The following KLHL29 variants were observed in gnomAD, a reference collection of about 807,000 sequenced individuals.
The protein encoded by KLHL29 is kelch like family member 29.
A neutral mutation model predicts 80.4 loss-of-function variants in KLHL29; 21 were observed. That is an observed-to-expected ratio of 0.26 (90% CI 0.19 to 0.38). The LOEUF (loss-of-function observed/expected upper bound fraction) is 0.38. Among genes scored for constraint, KLHL29 ranks in the 10% least tolerant of loss-of-function variants. KLHL29 has a pLI of 1.00. For synonymous variants in KLHL29, 511 were observed against 526.8 expected, an observed-to-expected ratio of 0.97 and a Z score of 0.41; for missense variants, 867 against 1,223.9, an observed-to-expected ratio of 0.71 and a Z score of 4.35.
intron 1 of KLHL29, among the ~76,000 whole-genome samples, chr2:23,447,137 C>A (rs1209386914): frequency 6.6e-6 from 1 of 152,206 alleles, no homozygotes; most frequent in Non-Finnish European, 1.5e-5. Flanking sequence ...CTTTGTTGAA[C>A]ACATCTGCAC....
At chr2:23,697,446 G>T in intron 11 of KLHL29, 1 of 152,428 alleles carries the variant, frequency 6.6e-6, no homozygotes. Flanking sequence ...AGCTAAGATT[G>T]CCAGAGCCCC....
At chr2:23,653,013 AC>A (rs1670126691) in intron 5 of KLHL29, among the ~76,000 whole-genome samples, 2 of 151,954 alleles carry the variant, frequency 1.3e-5, no homozygotes, top group Non-Finnish European at 2.9e-5. Context: ...GTCTCAGCCC[AC>A]CTACCCTACC....
At chr2:23,623,347 AG>A (rs918463933) in intron 3 of KLHL29, among the ~76,000 whole-genome samples, 1 of 152,042 alleles carries the variant, frequency 6.6e-6, no homozygotes, top group Non-Finnish European at 1.5e-5. Context: ...TAGTGGCAGG[AG>A]GACAGTCCGC....
chr2:23,391,814 A>T (rs563387379), intron 1 of KLHL29, among the ~76,000 whole-genome samples: 1 of 152,368 alleles, frequency 6.6e-6, no homozygotes, highest in South Asian at 2.1e-4. Context: ...AGTCACACAG[A>T]ATACTGTCCA....
At chr2:23,399,615 A>G (rs953518828) in intron 1 of KLHL29, among the ~76,000 whole-genome samples, 1 of 152,214 alleles carries the variant, frequency 6.6e-6, no homozygotes, top group African/African-American at 2.4e-5. Flanking sequence ...AATACAATGA[A>G]ATCTACAGCC....
intron 3 of KLHL29, among the ~76,000 whole-genome samples, chr2:23,597,405 ATATT>A (rs1558402872): frequency 1.3e-3 from 36 of 28,688 alleles, no homozygotes; most frequent in South Asian, 5.6e-3. Context: ...ATATATATAT[ATATT>A]TTTTTTTTTT....
At chr2:23,454,980 G>A (rs1035677957) in intron 1 of KLHL29, among the ~76,000 whole-genome samples, 2 of 122,804 alleles carry the variant, frequency 1.6e-5, no homozygotes, top group South Asian at 3.6e-4. Context: ...TTGACAACTC[G>A]TAGAAACAGG....
At chr2:23,697,776 G>C (rs3795946) in intron 11 of KLHL29, 81,610 of 152,046 alleles carry the variant, frequency 0.54, 22,646 homozygotes, top group East Asian at 0.79. Context: ...AGTTGCTGGA[G>C]CTGGGTTGGC....
At position 23,695,181 on chromosome 2, in the gene KLHL29, C is replaced by T. The variant is rs1421592600; in HGVS notation, c.1543-442C>T. On this transcript the variant is annotated intron_variant, in intron 8 of 13. Transcript: ENST00000486442. This position sits in a 1 kb window ranked among gnomAD's most constrained non-coding sequence, Gnocchi z 7.6. ...GGCTGAGACTTACAAGCTCAATAGTCGCCATCTCCTTGAAGCTTTCCTGGG... is the reference window on the plus strand; with the variant it reads ...GGCTGAGACTTACAAGCTCAATAGTTGCCATCTCCTTGAAGCTTTCCTGGG... 2.0e-5 allele frequency among the ~76,000 whole-genome samples: 3 copies of T among 152,086 alleles called. No individual in the cohort carries two copies. The highest frequency in any genetic ancestry group is 7.2e-5 in the African/African-American group (3 of 41,392).
intron 5 of KLHL29, among the ~76,000 whole-genome samples, chr2:23,645,854 G>A (rs191905526): frequency 1.6e-4 from 25 of 152,304 alleles, no homozygotes; most frequent in African/African-American, 3.6e-4. Flanking sequence ...TAAAGGTGGC[G>A]TGGAAATGCT....
chr2:23,704,855 C>G (rs1193570869), intron 13 of KLHL29, among the ~76,000 whole-genome samples: 2 of 152,268 alleles, frequency 1.3e-5, no homozygotes, highest in African/African-American at 4.8e-5. Flanking sequence ...GTAGAGGTAA[C>G]TGCAGAATCT....
At chr2:23,559,375 C>T (rs1412412561) in intron 2 of KLHL29, among the ~76,000 whole-genome samples, 1 of 152,068 alleles carries the variant, frequency 6.6e-6, no homozygotes, top group Non-Finnish European at 1.5e-5. Context: ...CATATTTGCC[C>T]TTTGCAAAAC....
intron 1 of KLHL29, among the ~76,000 whole-genome samples, chr2:23,389,920 T>C (rs1666277139): frequency 6.6e-6 from 1 of 152,216 alleles, no homozygotes; most frequent in African/African-American, 2.4e-5. Context: ...AATGTACTTT[T>C]GTCTGAAGTA....
At chr2:23,414,029 G>A (rs538952293) in intron 1 of KLHL29, among the ~76,000 whole-genome samples, 92 of 152,362 alleles carry the variant, frequency 6.0e-4, no homozygotes, top group African/African-American at 2.2e-3. Context: ...CCTCCTAGCT[G>A]TGCTGTTCCC....
chr2:23,555,632 C>A (rs1667268266), intron 2 of KLHL29, among the ~76,000 whole-genome samples: 1 of 152,234 alleles, frequency 6.6e-6, no homozygotes, highest in South Asian at 2.1e-4. Context: ...AGGGCTCTGT[C>A]AGGTGGAGGA....
chr2:23,436,773 A>G (rs1405890314), intron 1 of KLHL29, among the ~76,000 whole-genome samples: 2 of 152,226 alleles, frequency 1.3e-5, no homozygotes, highest in Non-Finnish European at 2.9e-5. Context: ...GCACCATTTA[A>G]GCCCATGTCT....
chr2:23,407,425 A>T (rs1293126038), intron 1 of KLHL29, among the ~76,000 whole-genome samples: 1 of 150,952 alleles, frequency 6.6e-6, no homozygotes, highest in African/African-American at 2.4e-5. Flanking sequence ...CTGTGTATTG[A>T]CGTACCTGTC....
chr2:23,555,118 CCT>C (rs1491527541), intron 2 of KLHL29, among the ~76,000 whole-genome samples: 1 of 121,934 alleles, frequency 8.2e-6, no homozygotes, highest in South Asian at 2.7e-4. Context: ...TGGAGGATGA[CCT>C]CCCCCCCCCC....
At chr2:23,584,163 C>T (rs1050579689) in intron 3 of KLHL29, among the ~76,000 whole-genome samples, 1 of 152,192 alleles carries the variant, frequency 6.6e-6, no homozygotes, top group Non-Finnish European at 1.5e-5. Flanking sequence ...AGGCTCCAGC[C>T]GGCCTCCCAG....
Sources: gnomAD v4.1 joint callset for allele counts (sites outside exome capture counted in the v4.1 genomes callset) on GRCh38, gnomAD v4.1.1 for gene constraint, Gnocchi (gnomAD v3.1) non-coding constraint, MANE v1.5 for transcripts, NCBI Gene and HGNC (gene_info 2026-07-23, HGNC 2026-07-21) for gene names.